The following DOK6 variants were observed in gnomAD, a reference collection of about 807,000 sequenced individuals.
The protein encoded by DOK6 is docking protein 6, also known as downstream of tyrosine kinase 6.
DOK6 carries 22 observed loss-of-function variants against 44.0 expected under a neutral mutation model. That is an observed-to-expected ratio of 0.50 (90% CI 0.36 to 0.71). The LOEUF is 0.71. Among genes scored for constraint, DOK6 ranks in the 30% least tolerant of loss-of-function variants. The pLI is 0.00. For synonymous variants in DOK6, 166 were observed against 145.5 expected (o/e 1.14, Z -1.01); for missense variants, 340 against 416.4 (o/e 0.82, Z 1.60).
chr18:69,735,258 A>G (rs1978565097), intron 5 of DOK6, among the ~76,000 whole-genome samples: 1 of 152,220 alleles, frequency 6.6e-6, no homozygotes, highest in African/African-American at 2.4e-5. Context: ...CATTTAGGGA[A>G]AAGACTAGGA....
At chr18:69,449,398 A>C (rs1230131183) in intron 1 of DOK6, among the ~76,000 whole-genome samples, 1 of 152,248 alleles carries the variant, frequency 6.6e-6, no homozygotes, top group African/African-American at 2.4e-5. Context: ...AAATAAGACC[A>C]AAGAAAGAAA....
chr18:69,481,436 A>T (rs942994134), intron 1 of DOK6, among the ~76,000 whole-genome samples: 1 of 151,062 alleles, frequency 6.6e-6, no homozygotes, highest in African/African-American at 2.4e-5. Flanking sequence ...AAGTGTTCTC[A>T]TTGTTCAATT....
At chr18:69,719,107 A>G (rs1054642584) in intron 5 of DOK6, among the ~76,000 whole-genome samples, 1 of 152,230 alleles carries the variant, frequency 6.6e-6, no homozygotes, top group Non-Finnish European at 1.5e-5. Flanking sequence ...TGGTGTTGCA[A>G]CAGAGAAAGT....
At chr18:69,587,460 A>C (rs1983529457) in intron 2 of DOK6, among the ~76,000 whole-genome samples, 1 of 152,098 alleles carries the variant, frequency 6.6e-6, no homozygotes, top group Non-Finnish European at 1.5e-5. Context: ...CTAAATTTAG[A>C]ATGATGTCCT....
At chr18:69,791,189 T>C (rs1461878394) in intron 7 of DOK6, among the ~76,000 whole-genome samples, 1 of 152,208 alleles carries the variant, frequency 6.6e-6, no homozygotes, top group Non-Finnish European at 1.5e-5. Context: ...ATCTGGGTTA[T>C]TGTCAATAGG....
At chr18:69,608,926 A>G (rs10048267) in intron 3 of DOK6, among the ~76,000 whole-genome samples, 55,960 of 145,066 alleles carry the variant, frequency 0.39, 10,733 homozygotes, top group Middle Eastern at 0.53. Flanking sequence ...TTCTATCCTG[A>G]GCAACAGAGC....
intron 7 of DOK6, among the ~76,000 whole-genome samples, chr18:69,809,554 TCACACACACAGACA>T (rs1372354005): frequency 9.6e-4 from 72 of 74,754 alleles, no homozygotes; most frequent in Middle Eastern, 5.7e-3. Flanking sequence ...CCCTAAGACT[TCACACACACAGACA>T]CACACACACA....
intron 7 of DOK6, among the ~76,000 whole-genome samples, chr18:69,777,004 T>TGGGGGAG (rs74175388): frequency 1.6e-5 from 1 of 61,970 alleles, no homozygotes; most frequent in African/African-American, 6.4e-5. Context: ...TGTTGTTGGG[T>TGGGGGAG]GGGGGGAGGG....
At chr18:69,744,809 C>T (rs1163207781) in intron 6 of DOK6, among the ~76,000 whole-genome samples, 1 of 151,748 alleles carries the variant, frequency 6.6e-6, no homozygotes, top group African/African-American at 2.4e-5. Context: ...GCCTGTAATC[C>T]CAGCTACTTA....
At chr18:69,688,398 A>T (rs1284444701) in intron 4 of DOK6, among the ~76,000 whole-genome samples, 1 of 152,232 alleles carries the variant, frequency 6.6e-6, no homozygotes, top group Non-Finnish European at 1.5e-5. Flanking sequence ...GGAAAAGCCA[A>T]GTTGAAACCG....
chr18:69,541,629 G>A (rs773945852), intron 1 of DOK6, among the ~76,000 whole-genome samples: 11 of 151,590 alleles, frequency 7.3e-5, no homozygotes, highest in Non-Finnish European at 8.9e-5. Flanking sequence ...GGAATACATT[G>A]TGCCAGAAGC....
At chr18:69,501,388 T>C (rs2144548616) in intron 1 of DOK6, among the ~76,000 whole-genome samples, 1 of 152,280 alleles carries the variant, frequency 6.6e-6, no homozygotes, top group African/African-American at 2.4e-5. Context: ...ATACTATATG[T>C]TGGAACCCAA....
Position 69,594,377 on chromosome 18 carries a change from T to C in DOK6, c.175-5007T>C, listed in dbSNP as rs1030911250. On this transcript the variant is annotated intron_variant, in intron 2 of 7. Coordinates refer to ENST00000382713, the MANE Select transcript of DOK6 (RefSeq NM_152721.6). ...AAGCAAACCTCTTTAAGTATTTTAC[T>C]TAAAATCACCCATATTACATATTTT... Among the ~76,000 whole-genome samples the C allele has an allele frequency of 3.9e-5, 6 of 152,106 alleles. No individual in the cohort carries two copies. In the East Asian group the frequency reaches 1.2e-3, roughly 29 times the overall value.
At chr18:69,753,730 C>CA (rs904603782) in intron 6 of DOK6, among the ~76,000 whole-genome samples, 1 of 151,942 alleles carries the variant, frequency 6.6e-6, no homozygotes, top group Non-Finnish European at 1.5e-5. Flanking sequence ...TGACCCTATG[C>CA]AAAAAGGAGA....
chr18:69,719,090 G>GA (rs572724711), intron 5 of DOK6, among the ~76,000 whole-genome samples: 115 of 152,306 alleles, frequency 7.6e-4, no homozygotes, highest in African/African-American at 2.6e-3. Flanking sequence ...CCAATACACT[G>GA]AGACAGTGGT....
At chr18:69,672,108 T>C (rs1453699982) in intron 3 of DOK6, among the ~76,000 whole-genome samples, 2 of 152,208 alleles carry the variant, frequency 1.3e-5, no homozygotes, top group African/African-American at 2.4e-5. Flanking sequence ...AAGGCCATAT[T>C]TGAACCACAT....
At chr18:69,463,124 G>A (rs1979831323) in intron 1 of DOK6, among the ~76,000 whole-genome samples, 1 of 152,158 alleles carries the variant, frequency 6.6e-6, no homozygotes, top group African/African-American at 2.4e-5. Context: ...TGTCTAGTGA[G>A]GGCCTGCTTC....
At chr18:69,759,030 A>C (rs1337244307) in intron 7 of DOK6, among the ~76,000 whole-genome samples, 1 of 152,188 alleles carries the variant, frequency 6.6e-6, no homozygotes, top group Non-Finnish European at 1.5e-5. Context: ...TCAATTACTG[A>C]AGGCAATTAC....
chr18:69,831,339 C>T (rs1981895393), intron 7 of DOK6: 1 of 152,202 alleles, frequency 6.6e-6, no homozygotes, highest in South Asian at 2.1e-4. Flanking sequence ...TTTTCTTAGT[C>T]TACTGATTCA....
Sources: gnomAD v4.1 joint callset for allele counts (sites outside exome capture counted in the v4.1 genomes callset) on GRCh38, gnomAD v4.1.1 for gene constraint, MANE v1.5 for transcripts, NCBI Gene and HGNC (gene_info 2026-07-23, HGNC 2026-07-21) for gene names.